The following IL1RAPL1 variants were observed in gnomAD, a reference collection of about 807,000 sequenced individuals.
IL1RAPL1 encodes interleukin 1 receptor accessory protein like 1.
In IL1RAPL1, 3 loss-of-function variants were observed where a neutral mutation model predicts 48.4. That is an observed-to-expected ratio of 0.06 (90% CI 0.03 to 0.16). The LOEUF is 0.16. Ranked by LOEUF, IL1RAPL1 falls within the 10% of genes least tolerant of loss-of-function variation. The pLI is 1.00. For synonymous variants in IL1RAPL1, 185 were observed against 187.7 expected (o/e 0.99, Z 0.12); for missense variants, 349 against 530.6 (o/e 0.66, Z 3.36).
At chrX:29,234,449 A>G (rs1931255275) in intron 2 of IL1RAPL1, among the ~76,000 whole-genome samples, 1 of 111,866 alleles carries the variant, frequency 8.9e-6, no homozygotes, top group African/African-American at 3.2e-5. Context: ...AATCTCCCTT[A>G]TAAACAGACT....
chrX:29,335,349 C>G (rs762580517), intron 3 of IL1RAPL1, among the ~76,000 whole-genome samples: 3 of 69,306 alleles, frequency 4.3e-5, no homozygotes, highest in African/African-American at 1.6e-4. Flanking sequence ...AGAGGGAGAG[C>G]TATTCTAAGG....
intron 6 of IL1RAPL1, among the ~76,000 whole-genome samples, chrX:29,869,348 G>A (rs1931758415): frequency 9.0e-6 from 1 of 111,539 alleles, no homozygotes; most frequent in Non-Finnish European, 1.9e-5. Flanking sequence ...TCTTATTAAA[G>A]GGAGACTTTA....
At chrX:29,485,959 G>A (rs1027487592) in intron 5 of IL1RAPL1, among the ~76,000 whole-genome samples, 2 of 111,163 alleles carry the variant, frequency 1.8e-5, no homozygotes, top group Non-Finnish European at 3.8e-5. Flanking sequence ...TTTGAGAAGC[G>A]CAGCGTTAGG....
chrX:29,315,888 G>C (rs911611007), intron 3 of IL1RAPL1, among the ~76,000 whole-genome samples: 1 of 112,148 alleles, frequency 8.9e-6, no homozygotes, highest in African/African-American at 3.2e-5. Flanking sequence ...GACAGAAGTA[G>C]ATGTTGGGAT....
chrX:29,063,528 G>A (rs1212929578), intron 2 of IL1RAPL1, among the ~76,000 whole-genome samples: 3 of 111,327 alleles, frequency 2.7e-5, no homozygotes, highest in Non-Finnish European at 5.7e-5. Context: ...ATGAAAGCAG[G>A]AAGAGACAAG....
intron 2 of IL1RAPL1, among the ~76,000 whole-genome samples, chrX:29,244,354 A>G (rs755676694): frequency 4.5e-5 from 5 of 112,330 alleles, no homozygotes; most frequent in Non-Finnish European, 9.4e-5. Context: ...GCACTTGAAC[A>G]AAGTAACTAT....
intron 2 of IL1RAPL1, among the ~76,000 whole-genome samples, chrX:28,827,580 C>T (rs776440560): frequency 1.2e-4 from 13 of 111,648 alleles, no homozygotes; most frequent in Non-Finnish European, 2.3e-4. Flanking sequence ...TTTACCTTTA[C>T]CTACAGTGGC....
chrX:29,109,175 C>T (rs1274920542), intron 2 of IL1RAPL1, among the ~76,000 whole-genome samples: 10 of 110,825 alleles, frequency 9.0e-5, no homozygotes, highest in Non-Finnish European at 1.7e-4. Context: ...TTGAGTGTAT[C>T]ATAGAGTTAA....
At chrX:29,155,466 A>G (rs911673095) in intron 2 of IL1RAPL1, among the ~76,000 whole-genome samples, 7 of 112,128 alleles carry the variant, frequency 6.2e-5, no homozygotes, top group Admixed American at 1.9e-4. Flanking sequence ...GGACTGGCTA[A>G]AAGCCCACTT....
At chrX:29,047,616 T>G (rs994625755) in intron 2 of IL1RAPL1, among the ~76,000 whole-genome samples, 5 of 112,249 alleles carry the variant, frequency 4.5e-5, no homozygotes, top group Non-Finnish European at 7.5e-5. Context: ...TAGCTAACAC[T>G]TCTTAAACTA....
chrX:29,941,583 A>G (rs1415752776), intron 8 of IL1RAPL1, 68 bp from the exon 9 acceptor site: 27 of 1,088,338 alleles, frequency 2.5e-5, no homozygotes, highest in Non-Finnish European at 3.2e-5. Flanking sequence ...GTGAAATCAA[A>G]CTGAGTTTAA....
At chrX:29,802,773 A>ATGTG (rs1231813468) in intron 6 of IL1RAPL1, among the ~76,000 whole-genome samples, 25 of 29,238 alleles carry the variant, frequency 8.6e-4, no homozygotes, top group African/African-American at 4.9e-3. Flanking sequence ...ATATATATAT[A>ATGTG]TATATATATG....
chrX:29,007,039 T>A lies in IL1RAPL1; in HGVS notation c.82+217614T>A, dbSNP rs189495149. ...TGGTATGTGTTTTACTAAAGAATTA[T>A]ACTCTACCTGTAAAAGTTCTTTTAG... On this transcript the variant is annotated intron_variant, in intron 2 of 10. Coordinates refer to ENST00000378993, the MANE Select transcript of IL1RAPL1 (RefSeq NM_014271.4). 3.6e-5 allele frequency among the ~76,000 whole-genome samples: 4 copies of A among 111,649 alleles called. No homozygotes were observed. In the Admixed American group the frequency reaches 3.8e-4, roughly 11 times the overall value.
intron 6 of IL1RAPL1, among the ~76,000 whole-genome samples, chrX:29,897,153 G>A (rs1932401420): frequency 8.9e-6 from 1 of 112,298 alleles, no homozygotes; most frequent in Non-Finnish European, 1.9e-5. Context: ...AAATCTGAGG[G>A]TGGGACCATG....
intron 2 of IL1RAPL1, among the ~76,000 whole-genome samples, chrX:29,009,984 T>G (rs1037371818): frequency 3.6e-5 from 4 of 111,965 alleles, no homozygotes; most frequent in African/African-American, 1.3e-4. Flanking sequence ...CTTGGTTAGA[T>G]GTATTCTTAG....
At chrX:29,689,219 C>T (rs1036279547) in intron 6 of IL1RAPL1, among the ~76,000 whole-genome samples, 4 of 111,398 alleles carry the variant, frequency 3.6e-5, no homozygotes, top group African/African-American at 1.3e-4. Context: ...GTAGACACAT[C>T]GTAGTATCTA....
intron 1 of IL1RAPL1, among the ~76,000 whole-genome samples, chrX:28,702,998 G>T (rs1935320152): frequency 9.0e-6 from 1 of 111,605 alleles, no homozygotes; most frequent in Non-Finnish European, 1.9e-5. Context: ...GTCCAAGAAT[G>T]CAGATTGACA....
intron 2 of IL1RAPL1, among the ~76,000 whole-genome samples, chrX:29,127,838 G>A (rs991691401): frequency 7.3e-5 from 8 of 110,046 alleles, no homozygotes; most frequent in Non-Finnish European, 1.1e-4. Context: ...GGTGGCGGGC[G>A]CCTGTAATCC....
At chrX:29,217,941 C>T (rs1452379881) in intron 2 of IL1RAPL1, among the ~76,000 whole-genome samples, 1 of 110,657 alleles carries the variant, frequency 9.0e-6, no homozygotes, top group Non-Finnish European at 1.9e-5. Context: ...TTTGTTTTTC[C>T]TTATATCCTA....
Sources: allele counts gnomAD v4.1 joint callset (sites outside exome capture counted in the v4.1 genomes callset), GRCh38; gene constraint gnomAD v4.1.1; transcripts MANE v1.5; gene names NCBI Gene and HGNC (gene_info 2026-07-23, HGNC 2026-07-21).